The following SUGCT variants were observed in gnomAD, a reference collection of about 807,000 sequenced individuals.
SUGCT encodes succinyl-CoA:glutarate-CoA transferase, also known as succinyl-CoA:glutarate CoA-transferase.
Under a neutral mutation model 55.0 loss-of-function variants are expected in SUGCT, and 41 were observed. The ratio of observed to expected loss-of-function variants is 0.74; its 90% CI spans 0.58 to 0.97. The LOEUF (loss-of-function observed/expected upper bound fraction) is 0.97, where lower values mean the gene tolerates loss of function less well. SUGCT is among the 50% of genes least tolerant of loss of function. SUGCT has a pLI of 0.00. For missense variants in SUGCT, 568 were observed against 547.8 expected, an observed-to-expected ratio of 1.04 and a Z score of -0.37; for synonymous variants, 187 against 200.4, an observed-to-expected ratio of 0.93 and a Z score of 0.56.
intron 12 of SUGCT, among the ~76,000 whole-genome samples, chr7:40,517,075 TTC>T (rs1793276699): frequency 6.6e-6 from 1 of 152,058 alleles, no homozygotes; most frequent in East Asian, 1.9e-4. Flanking sequence ...GAGTAATTTT[TTC>T]TTTTTGATAC....
chr7:40,495,336 C>G (rs1318987270), intron 11 of SUGCT, among the ~76,000 whole-genome samples: 1 of 151,638 alleles, frequency 6.6e-6, no homozygotes, highest in African/African-American at 2.4e-5. Context: ...AAGGGAAGTC[C>G]ATGAATACTC....
In SUGCT at chr7:40,752,049, A is replaced by G. The variant is rs372953713; in HGVS notation, c.1153+2552A>G. On this transcript the variant is annotated intron_variant, in intron 13 of 13. Coordinates refer to ENST00000335693, the MANE Select transcript of SUGCT (RefSeq NM_001193313.2). ...CATTGTCACAAGAATGCTGTGTAAG[A>G]AATAACCTCAAGCTCTTAATGGTTT... is the stretch of plus-strand genomic sequence containing the variant. 2.4e-4 allele frequency among the ~76,000 whole-genome samples: 37 copies of G among 152,308 alleles called. No homozygotes were observed. The South Asian group carries it at 7.7e-3, about 32-fold the overall frequency.
At position 40,175,521 on chromosome 7, in the gene SUGCT, G is replaced by A. The variant is rs56684313; in HGVS notation, c.101-5426G>A. On this transcript the variant is annotated intron_variant, in intron 1 of 13. Transcript: ENST00000335693. ...AGGTGTGAATCACCGCACCTGGACT[G>A]TGTTTCTTTTTAAAGACAACTTATT... Among the ~76,000 whole-genome samples, 870 of 152,244 alleles carry A rather than the reference G, an allele frequency of 5.7e-3. 7 individuals carry two copies. The highest frequency in any genetic ancestry group is 0.019 in the African/African-American group (809 of 41,544).
chr7:40,476,924 G>C (rs1394260636), intron 11 of SUGCT, among the ~76,000 whole-genome samples: 1 of 151,880 alleles, frequency 6.6e-6, no homozygotes, highest in Non-Finnish European at 1.5e-5. Context: ...AGCCTCCTCA[G>C]TAGTCCCTGT....
intron 12 of SUGCT, among the ~76,000 whole-genome samples, chr7:40,514,546 TA>T (rs1793126226): frequency 6.6e-6 from 1 of 151,542 alleles, no homozygotes; most frequent in Non-Finnish European, 1.5e-5. Flanking sequence ...CCATGTCTAT[TA>T]AAAAGACAAA....
At chr7:40,555,161 T>G (rs56320968) in intron 12 of SUGCT, among the ~76,000 whole-genome samples, 3,600 of 152,166 alleles carry the variant, frequency 0.024, 134 homozygotes, top group African/African-American at 0.079. Flanking sequence ...TGGGTATTTA[T>G]GAGCCCCCAG....
intron 13 of SUGCT, among the ~76,000 whole-genome samples, chr7:40,814,399 T>C (rs1192356689): frequency 6.6e-6 from 1 of 152,110 alleles, no homozygotes; most frequent in East Asian, 1.9e-4. Context: ...TTTTTTAAAA[T>C]TATTTTTTTC....
At chr7:40,136,201 TTGGCCAGGC>T (rs1787686432) in intron 1 of SUGCT, among the ~76,000 whole-genome samples, 1 of 152,184 alleles carries the variant, frequency 6.6e-6, no homozygotes, top group Non-Finnish European at 1.5e-5. Flanking sequence ...TTTCACCATG[TTGGCCAGGC>T]TGGTCTCAAA....
chr7:40,710,958 G>C (rs1268843481), intron 12 of SUGCT, among the ~76,000 whole-genome samples: 4 of 152,142 alleles, frequency 2.6e-5, no homozygotes, highest in African/African-American at 9.7e-5. Context: ...AGTGGACTGG[G>C]GTAAAGGAAG....
chr7:40,771,141 A>G (rs1789081314), intron 13 of SUGCT, among the ~76,000 whole-genome samples: 1 of 152,182 alleles, frequency 6.6e-6, no homozygotes. Flanking sequence ...AAGTATAACA[A>G]ATGTAGCTGT....
At chr7:40,372,468 T>G (rs1784340785) in intron 9 of SUGCT, among the ~76,000 whole-genome samples, 1 of 152,120 alleles carries the variant, frequency 6.6e-6, no homozygotes, top group South Asian at 2.1e-4. Flanking sequence ...CTGTGGATAC[T>G]CCTAAACACT....
intron 11 of SUGCT, among the ~76,000 whole-genome samples, chr7:40,464,186 T>C (rs1444608134): frequency 6.6e-6 from 1 of 152,228 alleles, no homozygotes; most frequent in Non-Finnish European, 1.5e-5. Context: ...TCTCTCTTCC[T>C]CTCTTCACCA....
the SUGCT span, among the ~76,000 whole-genome samples, chr7:40,989,685 C>T: frequency 3.9e-5 from 6 of 151,900 alleles, no homozygotes; most frequent in Non-Finnish European, 7.4e-5. Flanking sequence ...GCAGAAGAAT[C>T]GCTGGAACCT....
chr7:40,150,174 C>A (rs931241744), intron 1 of SUGCT, among the ~76,000 whole-genome samples: 9 of 152,212 alleles, frequency 5.9e-5, no homozygotes, highest in Non-Finnish European at 1.2e-4. Flanking sequence ...AAGATCAGTG[C>A]TTGAGATATT....
chr7:40,841,160 T>C (rs1009305183), intron 13 of SUGCT, among the ~76,000 whole-genome samples: 7 of 152,206 alleles, frequency 4.6e-5, no homozygotes, highest in African/African-American at 1.7e-4. Flanking sequence ...TTTACTTATT[T>C]ATTTTTCCTA....
At chr7:41,017,790 G>A in the SUGCT span, among the ~76,000 whole-genome samples, 19 of 145,052 alleles carry the variant, frequency 1.3e-4, no homozygotes, top group Non-Finnish European at 2.9e-4. Context: ...AAAAAAGAAA[G>A]ATTTCACTGG....
chr7:40,407,010 A>C (rs570646115), intron 9 of SUGCT, among the ~76,000 whole-genome samples: 112 of 152,310 alleles, frequency 7.4e-4, no homozygotes, highest in African/African-American at 2.6e-3. Flanking sequence ...TTCGAAATAA[A>C]GTCTACCTTA....
intron 12 of SUGCT, among the ~76,000 whole-genome samples, chr7:40,718,867 T>C (rs564684244): frequency 6.6e-6 from 1 of 152,360 alleles, no homozygotes; most frequent in East Asian, 1.9e-4. Flanking sequence ...AATATTTATT[T>C]ATAATCTTTT....
chr7:40,378,722 C>G (rs569508098), intron 9 of SUGCT, among the ~76,000 whole-genome samples: 1 of 152,374 alleles, frequency 6.6e-6, no homozygotes, highest in East Asian at 1.9e-4. Flanking sequence ...ATCTGCCTGC[C>G]TTGGCCTCCC....
Sources: allele counts gnomAD v4.1 joint callset (sites outside exome capture counted in the v4.1 genomes callset), GRCh38; gene constraint gnomAD v4.1.1; transcripts MANE v1.5; gene names NCBI Gene and HGNC (gene_info 2026-07-23, HGNC 2026-07-21).